The following ADCY10 variants were observed in gnomAD, a reference collection of about 807,000 sequenced individuals.
ADCY10 encodes the protein adenylate cyclase 10, also known as adenylate cyclase type 10.
ADCY10 carries 156 observed loss-of-function variants against 183.3 expected under a neutral mutation model. The ratio of observed to expected loss-of-function variants is 0.85; its 90% CI spans 0.75 to 0.97. ADCY10 has a LOEUF of 0.97. Ranked by LOEUF, ADCY10 falls within the 50% of genes least tolerant of loss-of-function variation. The probability of loss-of-function intolerance (pLI) is 0.00; values close to 1 mark genes in which losing one functional copy is unlikely to be tolerated. For synonymous variants in ADCY10, 645 were observed against 670.0 expected, an observed-to-expected ratio of 0.96 and a Z score of 0.58; for missense variants, 1,745 against 1,934.3, an observed-to-expected ratio of 0.90 and a Z score of 1.84.
intron 16 of ADCY10, among the ~76,000 whole-genome samples, chr1:167,859,601 G>A (rs1666147995): frequency 6.6e-6 from 1 of 152,142 alleles, no homozygotes; most frequent in Non-Finnish European, 1.5e-5. Context: ...GTAATGTTAA[G>A]GGACTCTTTT....
chr1:167,872,520 C>A (rs527633337), intron 13 of ADCY10, among the ~76,000 whole-genome samples: 1 of 152,046 alleles, frequency 6.6e-6, no homozygotes, highest in East Asian at 1.9e-4. Context: ...TTGTTTCTAT[C>A]TAAGCAAAGC....
At chr1:167,892,844 C>T (rs1668692130) in intron 8 of ADCY10, among the ~76,000 whole-genome samples, 1 of 152,080 alleles carries the variant, frequency 6.6e-6, no homozygotes, top group South Asian at 2.1e-4. Flanking sequence ...ATAGCCTGTG[C>T]AAAAATTGTA....
chr1:167,832,091 T>C (rs1397427390), intron 25 of ADCY10, among the ~76,000 whole-genome samples: 2 of 152,160 alleles, frequency 1.3e-5, no homozygotes, highest in African/African-American at 4.8e-5. Flanking sequence ...CTGATGGGGT[T>C]GCAAAAGAGT....
chr1:167,871,067 G>GT (rs1197827115), intron 13 of ADCY10, among the ~76,000 whole-genome samples: 16 of 150,320 alleles, frequency 1.1e-4, no homozygotes, highest in South Asian at 2.1e-4. Flanking sequence ...CCTAAAGCTT[G>GT]TTTTTTTTTG....
Position 167,880,386 on chromosome 1 carries a change from A to G in ADCY10, c.1139+105T>C. 3.0e-5 allele frequency: 30 copies of G among 1,007,832 alleles called. 2 individuals carry two copies. In the South Asian group the frequency reaches 3.8e-4, roughly 13 times the overall value. The allele number at this position is 1,007,832 out of a possible 1,614,324, so 62.4% of individuals were successfully genotyped here. A position where few individuals can be genotyped will look rare whatever the true frequency, so the allele number is the denominator to read the frequency against. On this transcript the variant is annotated intron_variant, in intron 10 of 32. Transcript: ENST00000367851. The stretch of plus-strand genomic sequence containing the variant: ...GAACAACAGTTTGAGACACAGGACT[A>G]AGTTCTTAATTAATTCTTCTTTCTT...
intron 16 of ADCY10, 145 bp from the exon 17 acceptor site, chr1:167,856,584 TA>T: frequency 1.2e-6 from 1 of 804,998 alleles, no homozygotes; most frequent in Non-Finnish European, 2.0e-6. Context: ...TTCTTTCCAG[TA>T]ACTTTGCATT....
chr1:167,880,598 G>T lies in ADCY10; in HGVS notation c.1032C>A (p.Phe344Leu). The change falls in exon 10 of 33, where the codon TTC (phenylalanine) becomes TTA (leucine). Residue 344 changes from phenylalanine (F) to leucine (L), a missense_variant. Physicochemically the swap from Phe to Leu is conservative, Grantham distance 22 (BLOSUM62 0). Coordinates refer to ENST00000367851, the MANE Select transcript of ADCY10 (RefSeq NM_018417.6). ...KVFMFDKGCS[F>L]LCVFGFPGEK... ...CCCCAGGGAAGCCAAAGACACAGAG[G>T]AAAGAGCAGCCCTGTGAGGGAGAGA... 2 of 1,613,032 alleles carry T rather than the reference G, an allele frequency of 1.2e-6. No homozygotes were observed. The highest frequency in any genetic ancestry group is 1.7e-6 in the Non-Finnish European group (2 of 1,179,000).
chr1:167,824,661 G>A lies in ADCY10; in HGVS notation c.3945C>T (p.Ala1315=). The change falls in exon 27 of 33, where the codon GCC becomes GCT. Residue 1315 remains alanine (A), a synonymous_variant. Transcript: ENST00000367851. ...CCAGCCAGCCCTTACCTAACTCAAT[G>A]GCCAAATCCAGGTGTCCCATTATGA... The part of the protein sequence containing the change: ...NKLIMGHLDL[A]IELGSRALQM... 1 of 1,614,112 alleles carries A rather than the reference G, an allele frequency of 6.2e-7. No individual in the cohort carries two copies. Among genetic ancestry groups the A allele is most frequent in the Non-Finnish European group, 8.5e-7 (1 of 1,180,018 alleles).
intron 13 of ADCY10, among the ~76,000 whole-genome samples, chr1:167,873,580 T>C (rs1667248637): frequency 6.6e-6 from 1 of 152,214 alleles, no homozygotes; most frequent in Admixed American, 6.5e-5. Context: ...TCAATCTTCT[T>C]TGGGTCTCTT....
At chr1:167,898,593 C>T (rs1158508042) in intron 6 of ADCY10, among the ~76,000 whole-genome samples, 2 of 39,112 alleles carry the variant, frequency 5.1e-5, no homozygotes, top group African/African-American at 7.3e-5. Context: ...AGCGAGACTC[C>T]GTTTTTTTTT....
intron 18 of ADCY10, 144 bp from the exon 19 acceptor site, chr1:167,848,633 T>A (rs1665240381): frequency 1.0e-6 from 1 of 968,322 alleles, no homozygotes; most frequent in Non-Finnish European, 1.5e-6. Context: ...TGGAAACCTT[T>A]TTTTTGTTTT....
intron 32 of ADCY10, 27 bp downstream of exon 32, chr1:167,810,698 C>G: frequency 6.2e-7 from 1 of 1,613,232 alleles, no homozygotes. Flanking sequence ...GCATCGCCAC[C>G]CCGGTTTGCT....
In ADCY10 at chr1:167,901,824, C is replaced by T. The variant is rs202022950; in HGVS notation, c.293-19G>A. On this transcript the variant is annotated intron_variant, in intron 4 of 32. Transcript: ENST00000367851. ...GCATCACCTTCAGAGAGAGACATGC[C>T]GCGGGCTTTTGACCTGCCCTGGGGA... The T allele has an allele frequency of 6.8e-6, 11 of 1,614,050 alleles. No individual in the cohort carries two copies. Among genetic ancestry groups the T allele is most frequent in the South Asian group, 2.2e-5 (2 of 91,086 alleles).
At chr1:167,854,598 T>C in intron 17 of ADCY10, 109 bp from the exon 18 acceptor site, 1 of 1,368,158 alleles carries the variant, frequency 7.3e-7, no homozygotes, top group Non-Finnish European at 1.0e-6. Context: ...CATTCTTCAT[T>C]TGTTTCTGTT....
intron 17 of ADCY10, among the ~76,000 whole-genome samples, chr1:167,855,329 A>AAAACAAAAAAC (rs1553268871): frequency 2.0e-5 from 3 of 150,870 alleles, no homozygotes; most frequent in African/African-American, 7.3e-5. Context: ...TAAAAAACAA[A>AAAACAAAAAAC]AAACAAACAA....
intron 8 of ADCY10, among the ~76,000 whole-genome samples, chr1:167,891,049 C>A (rs1331520823): frequency 1.3e-5 from 2 of 152,058 alleles, no homozygotes; most frequent in Non-Finnish European, 2.9e-5. Context: ...GCAACCTCCG[C>A]CTCCTGGGTT....
At chr1:167,856,646 T>A (rs1030622927) in intron 16 of ADCY10, among the ~76,000 whole-genome samples, 2 of 152,256 alleles carry the variant, frequency 1.3e-5, no homozygotes, top group African/African-American at 2.4e-5. Context: ...CAGAGCTGGC[T>A]GGAATGGACT....
chr1:167,844,581 A>G (rs1664869920), intron 21 of ADCY10, among the ~76,000 whole-genome samples: 1 of 152,186 alleles, frequency 6.6e-6, no homozygotes, highest in East Asian at 1.9e-4. Context: ...ATTCTGTGGT[A>G]TTGGGTAAGT....
At chr1:167,820,058 C>T in intron 30 of ADCY10, 1 of 1,574,348 alleles carries the variant, frequency 6.4e-7, no homozygotes, top group Non-Finnish European at 8.7e-7. Flanking sequence ...AAGCCTCTTT[C>T]GTTACTCATC....
Sources: gnomAD v4.1 joint callset for allele counts (sites outside exome capture counted in the v4.1 genomes callset) on GRCh38, gnomAD v4.1.1 for gene constraint, MANE v1.5 for transcripts, NCBI Gene and HGNC (gene_info 2026-07-23, HGNC 2026-07-21) for gene names.